The following DGKB variants were observed in gnomAD, a reference collection of about 807,000 sequenced individuals.
DGKB encodes 90 kDa diacylglycerol kinase.
A neutral mutation model predicts 114.3 loss-of-function variants in DGKB; 67 were observed. The ratio of observed to expected loss-of-function variants is 0.59; its 90% CI spans 0.48 to 0.72. The LOEUF is 0.72. Among genes scored for constraint, DGKB ranks in the 30% least tolerant of loss-of-function variants. The pLI is 0.00. For synonymous variants in DGKB, 398 were observed against 323.1 expected, an observed-to-expected ratio of 1.23 and a Z score of -2.49; for missense variants, 907 against 975.2, an observed-to-expected ratio of 0.93 and a Z score of 0.93.
chr7:14,151,173 A>G (rs1174750208), intron 25 of DGKB, among the ~76,000 whole-genome samples: 1 of 152,116 alleles, frequency 6.6e-6, no homozygotes, highest in South Asian at 2.1e-4. Flanking sequence ...ATTAAGAGCT[A>G]AAGTAAGAAG....
intron 20 of DGKB, among the ~76,000 whole-genome samples, chr7:14,486,403 A>G (rs1783815447): frequency 6.6e-6 from 1 of 152,198 alleles, no homozygotes; most frequent in African/African-American, 2.4e-5. Context: ...TAGGTAAAAC[A>G]CTCGTATGTC....
At chr7:14,611,237 T>C (rs1805486616) in intron 16 of DGKB, among the ~76,000 whole-genome samples, 1 of 152,134 alleles carries the variant, frequency 6.6e-6, no homozygotes, top group Admixed American at 6.6e-5. Context: ...ACCTGTAATA[T>C]ATGGTATTGC....
intron 23 of DGKB, among the ~76,000 whole-genome samples, chr7:14,252,529 G>T: frequency 6.6e-6 from 1 of 152,154 alleles, no homozygotes; most frequent in Admixed American, 6.5e-5. Flanking sequence ...CAGGCTGGAT[G>T]TTAGAATACT....
chr7:14,369,850 T>G (rs971296363), intron 21 of DGKB, among the ~76,000 whole-genome samples: 1 of 152,186 alleles, frequency 6.6e-6, no homozygotes. Flanking sequence ...ACTGCAGAAA[T>G]TTTATCCCAT....
At chr7:14,566,883 C>A (rs954695187) in intron 20 of DGKB, among the ~76,000 whole-genome samples, 1 of 151,586 alleles carries the variant, frequency 6.6e-6, no homozygotes, top group Non-Finnish European at 1.5e-5. Context: ...TTAAATGCAT[C>A]CTCTTTATAT....
intron 20 of DGKB, among the ~76,000 whole-genome samples, chr7:14,530,569 A>T (rs1384924610): frequency 6.6e-6 from 1 of 151,540 alleles, no homozygotes; most frequent in Non-Finnish European, 1.5e-5. Flanking sequence ...AACATGAAAC[A>T]ATGTTTTAAT....
chr7:14,582,213 A>G (rs150405299), intron 18 of DGKB, among the ~76,000 whole-genome samples: 1 of 152,326 alleles, frequency 6.6e-6, no homozygotes, highest in Non-Finnish European at 1.5e-5. Context: ...AAAAGAGTCA[A>G]TATTTGTTTT....
intron 2 of DGKB, among the ~76,000 whole-genome samples, chr7:14,840,792 G>A (rs991389864): frequency 1.3e-5 from 2 of 149,516 alleles, no homozygotes; most frequent in Admixed American, 1.3e-4. Flanking sequence ...AGACCATACT[G>A]TCTCAAGCAC....
intron 23 of DGKB, among the ~76,000 whole-genome samples, chr7:14,300,424 G>A (rs1803327952): frequency 6.6e-6 from 1 of 152,034 alleles, no homozygotes. Context: ...TTAATGATAT[G>A]ACTCATACAT....
chr7:14,213,972 TTCTC>T (rs199865036), intron 23 of DGKB, among the ~76,000 whole-genome samples: 3 of 152,010 alleles, frequency 2.0e-5, no homozygotes, highest in Admixed American at 6.6e-5. Flanking sequence ...ACATGTTGCG[TTCTC>T]TCTCTTTCCT....
chr7:14,155,388 G>C (rs942876186), intron 25 of DGKB, among the ~76,000 whole-genome samples: 1 of 152,082 alleles, frequency 6.6e-6, no homozygotes, highest in Non-Finnish European at 1.5e-5. Flanking sequence ...GAAGATATGT[G>C]ATGGTAGGTT....
intron 1 of DGKB, among the ~76,000 whole-genome samples, chr7:14,948,494 C>T (rs184216308): frequency 1.5e-4 from 23 of 151,780 alleles, no homozygotes; most frequent in African/African-American, 5.1e-4. Context: ...ATAAAATGGT[C>T]CACCTTAAGA....
At chr7:14,932,054 A>G (rs1332123778) in intron 1 of DGKB, among the ~76,000 whole-genome samples, 1 of 152,210 alleles carries the variant, frequency 6.6e-6, no homozygotes, top group Non-Finnish European at 1.5e-5. Context: ...ATGACACTCC[A>G]GAACAGCTGC....
chr7:14,419,766 A>G (rs987759473), intron 21 of DGKB, among the ~76,000 whole-genome samples: 2 of 152,170 alleles, frequency 1.3e-5, no homozygotes, highest in Non-Finnish European at 2.9e-5. Flanking sequence ...TTTACAATCA[A>G]GATATAAACT....
intron 1 of DGKB, among the ~76,000 whole-genome samples, chr7:14,852,451 G>A (rs1459022401): frequency 2.1e-5 from 1 of 47,944 alleles, no homozygotes; most frequent in Non-Finnish European, 4.1e-5. Flanking sequence ...TCTTGCTTTG[G>A]ACTTTGCAAA....
At chr7:14,633,798 T>C (rs1810213661) in intron 13 of DGKB, among the ~76,000 whole-genome samples, 1 of 151,772 alleles carries the variant, frequency 6.6e-6, no homozygotes, top group Non-Finnish European at 1.5e-5. Flanking sequence ...AGTATCTTTT[T>C]AATATTAAAT....
chr7:14,691,133 G>C (rs1296673178), intron 9 of DGKB, among the ~76,000 whole-genome samples: 1 of 152,150 alleles, frequency 6.6e-6, no homozygotes, highest in African/African-American at 2.4e-5. Context: ...AACTGCTGTT[G>C]CTGGAGAAAA....
intron 13 of DGKB, among the ~76,000 whole-genome samples, chr7:14,644,253 T>C (rs191218558): frequency 4.6e-5 from 7 of 152,168 alleles, no homozygotes; most frequent in African/African-American, 1.7e-4. Context: ...TTCAGAAAAT[T>C]CAAAGAAGTG....
intron 23 of DGKB, among the ~76,000 whole-genome samples, chr7:14,203,182 A>G (rs374385304): frequency 1.6e-3 from 243 of 151,688 alleles, no homozygotes; most frequent in African/African-American, 5.6e-3. Flanking sequence ...AAAAAAGTTA[A>G]AAGTTTCAGC....
Sources: allele counts gnomAD v4.1 joint callset (sites outside exome capture counted in the v4.1 genomes callset), GRCh38; gene constraint gnomAD v4.1.1; transcripts MANE v1.5; gene names NCBI Gene and HGNC (gene_info 2026-07-23, HGNC 2026-07-21).